Variants in LGALS9C observed in about 807,000 individuals in gnomAD.
LGALS9C encodes galectin-9C.
Under a neutral mutation model 41.3 loss-of-function variants are expected in LGALS9C, and 7 were observed. The ratio of observed to expected loss-of-function variants is 0.17; its 90% CI spans 0.10 to 0.32. The LOEUF is 0.32. Ranked by LOEUF, LGALS9C falls within the 10% of genes least tolerant of loss-of-function variation. LGALS9C has a pLI of 1.00. For missense variants in LGALS9C, 102 were observed against 455.2 expected (o/e 0.22, Z 7.06); for synonymous variants, 44 against 171.0 (o/e 0.26, Z 5.80).
At chr17:18,482,525 A>T in intron 1 of LGALS9C, among the ~76,000 whole-genome samples, 1 of 142,186 alleles carries the variant, frequency 7.0e-6, no homozygotes, top group Admixed American at 7.0e-5. Context: ...AAAAAAAAAA[A>T]TTCAGGTTTC....
At chr17:18,480,122 C>T (rs1389856162) in intron 1 of LGALS9C, among the ~76,000 whole-genome samples, 2 of 120,270 alleles carry the variant, frequency 1.7e-5, no homozygotes, top group East Asian at 4.0e-4. Context: ...GTGGGAGGAT[C>T]GCGTGAGCCT....
intron 1 of LGALS9C, among the ~76,000 whole-genome samples, chr17:18,477,207 T>C (rs1276509690): frequency 6.1e-5 from 8 of 131,078 alleles, no homozygotes; most frequent in African/African-American, 2.0e-4. Flanking sequence ...CAAGCATGCT[T>C]CTGGGACAGT....
intron 4 of LGALS9C, among the ~76,000 whole-genome samples, chr17:18,487,998 T>A (rs1453811266): frequency 7.6e-6 from 1 of 131,834 alleles, no homozygotes; most frequent in East Asian, 2.1e-4. Context: ...CAGCTGCCCC[T>A]TTCTCTTCAT....
chr17:18,482,524 AAT>A (rs1989433209), intron 1 of LGALS9C, among the ~76,000 whole-genome samples: 1 of 142,372 alleles, frequency 7.0e-6, no homozygotes, highest in African/African-American at 2.5e-5. Flanking sequence ...AAAAAAAAAA[AAT>A]TCAGGTTTCT....
At position 18,494,564 on chromosome 17, in the gene LGALS9C, C is replaced by T. The variant is rs568798838; in HGVS notation, c.*197C>T. On this transcript the variant is annotated 3_prime_UTR_variant, in exon 11 of 11. Transcript: ENST00000328114. ...AAGGCAGCTGACTGGGATTGCCTTC[C>T]TCAGCCGCAGCAGCACCTGGGGCGC... 4.1e-6 allele frequency: 4 copies of T among 977,150 alleles called. No homozygotes were observed. The highest frequency in any genetic ancestry group is 3.0e-5 in the African/African-American group (2 of 65,826). The allele number at this position is 977,150 out of a possible 1,614,324, so 60.5% of individuals were successfully genotyped here. A position where few individuals can be genotyped will look rare whatever the true frequency, so the allele number is the denominator to read the frequency against.
At chr17:18,493,851 A>G (rs1262600999) in intron 10 of LGALS9C, among the ~76,000 whole-genome samples, 11 of 144,580 alleles carry the variant, frequency 7.6e-5, no homozygotes, top group Non-Finnish European at 1.6e-4. Context: ...TGCAAAGGGC[A>G]GGAGGTTTTA....
intron 4 of LGALS9C, 100 bp downstream of exon 4, chr17:18,487,857 C>T (rs1989658932): frequency 6.6e-7 from 1 of 1,522,388 alleles, no homozygotes; most frequent in Admixed American, 1.9e-5. Context: ...AATCTCCTAC[C>T]CAGGTCACTC....
At chr17:18,488,812 G>A in intron 4 of LGALS9C, 129 bp from the exon 5 acceptor site, 1 of 1,284,326 alleles carries the variant, frequency 7.8e-7, no homozygotes, top group Non-Finnish European at 1.1e-6. Flanking sequence ...GCCTCCGTGT[G>A]GCCCTAACCC....
intron 4 of LGALS9C, among the ~76,000 whole-genome samples, 161 bp downstream of exon 4, chr17:18,487,918 C>T (rs1423537075): frequency 2.1e-4 from 30 of 142,592 alleles, no homozygotes; most frequent in African/African-American, 6.6e-4. Context: ...CCCTTCTCCT[C>T]TGTCACTCTG....
Position 18,492,459 on chromosome 17 carries a change from G to A in LGALS9C, c.675G>A (p.Pro225=), listed in dbSNP as rs149384451. The A allele has an allele frequency of 2.5e-4, 378 of 1,525,006 alleles. 4 individuals carry two copies. The African/African-American group carries it at 2.7e-3, about 11-fold the overall frequency. 94.5% of individuals were successfully genotyped at this position (1,525,006 alleles called of 1,614,324 possible). The change falls in exon 9 of 11, where the codon CCG becomes CCA. Residue 225 remains proline, a splice_region_variant and synonymous_variant. Transcript: ENST00000328114. ...ACCTGTCCCCGTCCTTCTGACAGCC[G>A]ATGCCTTTCATCACCACCATTCCGG... ...PPMMYPHPAY[P]MPFITTIPGG...
In LGALS9C at chr17:18,488,239, G is replaced by T. The variant is rs562623112; in HGVS notation, c.444+482G>T. On this transcript the variant is annotated intron_variant, in intron 4 of 10. Coordinates refer to ENST00000328114, the MANE Select transcript of LGALS9C (RefSeq NM_001040078.3). ...ATTCATTGAGGAGACAGATATCAGA[G>T]GTCACACAATGGCGCCCCTGGGCCC... Among the ~76,000 whole-genome samples, 420 of 124,886 alleles carry T rather than the reference G, an allele frequency of 3.4e-3. 2 individuals are homozygous for T. The highest frequency in any genetic ancestry group is 0.01 in the African/African-American group (385 of 37,248). 81.9% of individuals were successfully genotyped at this position (124,886 alleles called of 152,430 possible).
chr17:18,478,660 C>T (rs941283951), intron 1 of LGALS9C, among the ~76,000 whole-genome samples: 2 of 95,540 alleles, frequency 2.1e-5, no homozygotes, highest in Non-Finnish European at 5.4e-5. Flanking sequence ...GAACCACCTG[C>T]TGTGTGGCCC....
intron 1 of LGALS9C, among the ~76,000 whole-genome samples, chr17:18,482,507 C>CA (rs1166687895): frequency 0.1 from 9,455 of 93,414 alleles, 210 homozygotes; most frequent in African/African-American, 0.15. Flanking sequence ...GAAAGTTTTA[C>CA]AAAAAAAAAA....
chr17:18,491,077 A>G (rs1989786773), intron 6 of LGALS9C, 196 bp from the exon 7 acceptor site: 1 of 753,432 alleles, frequency 1.3e-6, no homozygotes, highest in South Asian at 2.0e-5. Context: ...CAGAGCCACC[A>G]GCGTCCCCAT....
chr17:18,484,239 G>C lies in LGALS9C; in HGVS notation c.131+273G>C, dbSNP rs1989505396. 7.8e-6 allele frequency: 3 copies of C among 384,416 alleles called. No homozygotes were observed. In the East Asian group the frequency reaches 1.2e-4, roughly 15 times the overall value. The allele number at this position is 384,416 out of a possible 1,614,324, so 23.8% of individuals were successfully genotyped here. On this transcript the variant is annotated intron_variant, in intron 2 of 10. Coordinates refer to ENST00000328114, the MANE Select transcript of LGALS9C (RefSeq NM_001040078.3). ...GGGATGGTCAGAGTTGGATGATTAT[G>C]TTCTGGGCTGAACCTTGCACACTGT...
rs1452586632 is a variant in LGALS9C at position 18,482,525 on chromosome 17, AT to A, written c.40-1348del. On this transcript the variant is annotated intron_variant, in intron 1 of 10. Transcript: ENST00000328114. ...AGTTTTACAAAAAAAAAAAAAAAAA[AT>A]TCAGGTTTCTGTCTCATCTTAAAAA... Among the ~76,000 whole-genome samples, 59 of 142,158 alleles carry A rather than the reference AT, an allele frequency of 4.2e-4. 2 individuals carry two copies. The highest frequency in any genetic ancestry group is 8.5e-4 in the Non-Finnish European group (53 of 62,200). 93.3% of individuals were successfully genotyped at this position (142,158 alleles called of 152,430 possible). A position where few individuals can be genotyped will look rare whatever the true frequency, so the allele number is the denominator to read the frequency against.
intron 1 of LGALS9C, among the ~76,000 whole-genome samples, chr17:18,482,121 C>A (rs1210508936): frequency 1.4e-5 from 2 of 146,884 alleles, no homozygotes; most frequent in African/African-American, 2.4e-5. Context: ...GTAAATATTT[C>A]ATTGTGTATC....
At chr17:18,483,428 C>T (rs558840390) in intron 1 of LGALS9C, among the ~76,000 whole-genome samples, 2 of 116,560 alleles carry the variant, frequency 1.7e-5, no homozygotes, top group South Asian at 3.0e-4. Flanking sequence ...CCTTGGGCCT[C>T]CTGAGTCCCC....
At position 18,477,939 on chromosome 17, in the gene LGALS9C, T is replaced by C. The variant is rs1373830775; in HGVS notation, c.39+1046T>C. 1.6e-5 allele frequency among the ~76,000 whole-genome samples: 2 copies of C among 125,992 alleles called. 1 individual carries two copies. The highest frequency in any genetic ancestry group is 3.9e-5 in the Non-Finnish European group (2 of 51,602). 82.7% of individuals were successfully genotyped at this position (125,992 alleles called of 152,430 possible). ...GGGGCCACCTCAGCAGAGGCCAGGG[T>C]TGGGCTTGGGTGCCCTCTGGTGATA... On this transcript the variant is annotated intron_variant, in intron 1 of 10. Transcript: ENST00000328114.
Sources: allele counts gnomAD v4.1 joint callset (sites outside exome capture counted in the v4.1 genomes callset), GRCh38; gene constraint gnomAD v4.1.1; transcripts MANE v1.5; gene names NCBI Gene and HGNC (gene_info 2026-07-23, HGNC 2026-07-21).